DOCK3: variants seen among roughly 807,000 people sequenced by gnomAD.
The protein encoded by DOCK3 is dedicator of cytokinesis protein 3.
In DOCK3, 60 loss-of-function variants were observed where a neutral mutation model predicts 265.6. The ratio of observed to expected loss-of-function variants is 0.23; its 90% confidence interval spans 0.18 to 0.28. The LOEUF is 0.28. Ranked by LOEUF, DOCK3 falls within the 10% of genes least tolerant of loss-of-function variation. The pLI is 1.00. For synonymous variants in DOCK3, 881 were observed against 938.0 expected (o/e 0.94, Z 1.11); for missense variants, 1,981 against 2,594.3 (o/e 0.76, Z 5.14).
chr3:51,118,632 C>A (rs1032089293), intron 9 of DOCK3, among the ~76,000 whole-genome samples: 5 of 152,128 alleles, frequency 3.3e-5, no homozygotes, highest in African/African-American at 7.2e-5. Flanking sequence ...CTTTATGAAT[C>A]TGGGTGCTTC....
At chr3:50,814,029 G>C (rs2043918788) in intron 2 of DOCK3, among the ~76,000 whole-genome samples, 2 of 152,062 alleles carry the variant, frequency 1.3e-5, no homozygotes, top group African/African-American at 4.8e-5. Context: ...CTTAGTTGTG[G>C]AGTGGGTACC....
intron 12 of DOCK3, among the ~76,000 whole-genome samples, chr3:51,169,101 G>A (rs2086548104): frequency 6.6e-6 from 1 of 152,170 alleles, no homozygotes; most frequent in Non-Finnish European, 1.5e-5. Flanking sequence ...TGCTGGTGAA[G>A]TTGCAGAGAA....
intron 5 of DOCK3, among the ~76,000 whole-genome samples, chr3:51,020,142 T>C (rs1200108910): frequency 6.6e-6 from 1 of 151,958 alleles, no homozygotes; most frequent in African/African-American, 2.4e-5. Flanking sequence ...TGTTGTTTTT[T>C]GACTTTTAGA....
chr3:51,256,577 T>C (rs957247814), intron 22 of DOCK3, among the ~76,000 whole-genome samples: 5 of 150,382 alleles, frequency 3.3e-5, no homozygotes, highest in African/African-American at 1.2e-4. Flanking sequence ...AGCGAAGAGC[T>C]TGAGTTTTCG....
chr3:51,161,496 A>G (rs987669690), intron 12 of DOCK3, among the ~76,000 whole-genome samples: 4 of 152,148 alleles, frequency 2.6e-5, no homozygotes, highest in African/African-American at 9.7e-5. Flanking sequence ...CGGAAGATTG[A>G]TCTAAGATTT....
chr3:50,823,593 T>G (rs71329008), intron 2 of DOCK3, among the ~76,000 whole-genome samples: 14,361 of 152,274 alleles, frequency 0.094, 842 homozygotes, highest in Non-Finnish European at 0.12. Context: ...GCAACCATCC[T>G]ATTTCTCAAT....
intron 32 of DOCK3, among the ~76,000 whole-genome samples, chr3:51,315,592 A>G (rs1286667455): frequency 6.6e-6 from 1 of 152,138 alleles, no homozygotes; most frequent in Non-Finnish European, 1.5e-5. Context: ...TTCCAACTGA[A>G]TGGCTTCAGG....
chr3:51,227,554 T>G, intron 16 of DOCK3, 109 bp downstream of exon 16: 1 of 1,482,002 alleles, frequency 6.7e-7, no homozygotes, highest in South Asian at 1.3e-5. Context: ...AATGAAGAGT[T>G]AGGAATAAAC....
intron 27 of DOCK3, among the ~76,000 whole-genome samples, chr3:51,288,293 G>A (rs1416273862): frequency 6.6e-6 from 1 of 151,690 alleles, no homozygotes; most frequent in East Asian, 1.9e-4. Context: ...TCAGGAGGCT[G>A]AGGCAGGAGA....
At chr3:51,156,435 T>G (rs2085855425) in intron 10 of DOCK3, among the ~76,000 whole-genome samples, 1 of 152,226 alleles carries the variant, frequency 6.6e-6, no homozygotes, top group South Asian at 2.1e-4. Context: ...ATCACCCTTC[T>G]TATCTTTCTT....
At chr3:51,237,353 A>C in intron 20 of DOCK3, 137 bp from the exon 21 acceptor site, 1 of 712,252 alleles carries the variant, frequency 1.4e-6, no homozygotes, top group South Asian at 1.7e-5. Context: ...GAAATCTTAC[A>C]TTCACTACCC....
chr3:50,848,291 T>A (rs1363241817), intron 3 of DOCK3, among the ~76,000 whole-genome samples: 1 of 152,214 alleles, frequency 6.6e-6, no homozygotes, highest in Non-Finnish European at 1.5e-5. Flanking sequence ...GTGTTTAGAC[T>A]ATTTACATTC....
chr3:51,143,877 T>C (rs760194150), intron 9 of DOCK3, among the ~76,000 whole-genome samples: 37 of 152,232 alleles, frequency 2.4e-4, no homozygotes, highest in Non-Finnish European at 4.9e-4. Flanking sequence ...TGATATTTGC[T>C]TAATAATCTG....
intron 1 of DOCK3, among the ~76,000 whole-genome samples, chr3:50,766,282 C>T (rs1433064040): frequency 1.6e-5 from 2 of 128,674 alleles, no homozygotes; most frequent in Admixed American, 1.7e-4. Context: ...CTCCCCCCAC[C>T]CCACAACAGG....
In DOCK3 at chr3:51,059,492, CA is replaced by C. The variant is rs1490969392; in HGVS notation, c.316-4955del. 7.7e-3 allele frequency among the ~76,000 whole-genome samples: 1,132 copies of C among 147,458 alleles called. 15 individuals carry two copies. The highest frequency in any genetic ancestry group is 0.02 in the African/African-American group (804 of 39,956). On this transcript the variant is annotated intron_variant, in intron 5 of 52. Coordinates refer to ENST00000266037, the MANE Select transcript of DOCK3 (RefSeq NM_004947.5). ...ACACACACACACACACACACACACA[CA>C]CCCCACATCCCACATTACTTTTAAT...
intron 5 of DOCK3, among the ~76,000 whole-genome samples, chr3:51,041,212 T>A (rs1374774429): frequency 4.9e-4 from 32 of 65,802 alleles, no homozygotes; most frequent in South Asian, 1.8e-3. Flanking sequence ...ATATTTTTTT[T>A]TTTTTTTTTT....
intron 5 of DOCK3, among the ~76,000 whole-genome samples, chr3:51,036,126 A>G (rs1181483246): frequency 1.3e-5 from 2 of 152,032 alleles, no homozygotes; most frequent in African/African-American, 4.8e-5. Context: ...CTTGCTCCAT[A>G]CTCCCTTCCA....
chr3:50,990,679 C>T (rs966233584), intron 5 of DOCK3, among the ~76,000 whole-genome samples: 1 of 152,114 alleles, frequency 6.6e-6, no homozygotes, highest in African/African-American at 2.4e-5. Context: ...GGCTGAGGAG[C>T]AAGGAAGCCA....
intron 5 of DOCK3, among the ~76,000 whole-genome samples, chr3:51,004,465 G>A (rs2078597708): frequency 1.3e-5 from 2 of 152,000 alleles, no homozygotes; most frequent in Non-Finnish European, 2.9e-5. Flanking sequence ...TAAGTTGTAG[G>A]GTAATTTGTT....
Sources: allele counts gnomAD v4.1 joint callset (sites outside exome capture counted in the v4.1 genomes callset), GRCh38; gene constraint gnomAD v4.1.1; transcripts MANE v1.5; gene names NCBI Gene and HGNC (gene_info 2026-07-23, HGNC 2026-07-21).